The following PPIL2 variants were observed in gnomAD, a reference collection of about 807,000 sequenced individuals.
The protein encoded by PPIL2 is RING-type E3 ubiquitin-protein ligase PPIL2.
PPIL2 carries 50 observed loss-of-function variants against 75.2 expected under a neutral mutation model. That is an observed-to-expected ratio of 0.66 (90% CI 0.53 to 0.84). The LOEUF (loss-of-function observed/expected upper bound fraction) is 0.84. Among genes scored for constraint, PPIL2 ranks in the 40% least tolerant of loss-of-function variants. The pLI, the probability that PPIL2 is intolerant of heterozygous loss-of-function variation, is 0.00. For synonymous variants in PPIL2, 245 were observed against 258.8 expected, an observed-to-expected ratio of 0.95 and a Z score of 0.51; for missense variants, 590 against 685.0, an observed-to-expected ratio of 0.86 and a Z score of 1.55.
intron 1 of PPIL2, among the ~76,000 whole-genome samples, chr22:21,668,714 ATTTTT>A (rs145174874): frequency 7.6e-6 from 1 of 130,818 alleles, no homozygotes; most frequent in Non-Finnish European, 1.6e-5. Context: ...ATAAGATACC[ATTTTT>A]TTTTTTTTTT....
chr22:21,693,760 C>T (rs1029664037), intron 15 of PPIL2, 56 bp from the exon 16 acceptor site: 2 of 1,503,758 alleles, frequency 1.3e-6, no homozygotes, highest in Admixed American at 3.3e-5. Flanking sequence ...TGCTCTTAGG[C>T]AGGCCAGGTG....
At chr22:21,683,080 G>A in intron 8 of PPIL2, 102 bp from the exon 9 acceptor site, 2 of 982,572 alleles carry the variant, frequency 2.0e-6, no homozygotes, top group African/African-American at 1.6e-5. Flanking sequence ...TGTAGCCCTG[G>A]CCTCTTCCAC....
At chr22:21,686,155 C>T (rs752019645) in intron 10 of PPIL2, among the ~76,000 whole-genome samples, 6 of 152,160 alleles carry the variant, frequency 3.9e-5, no homozygotes, top group Non-Finnish European at 8.8e-5. Context: ...AGAGCAAGAC[C>T]TTGTCTCATA....
chr22:21,684,289 G>GA (rs576536643), intron 9 of PPIL2, among the ~76,000 whole-genome samples: 1 of 116,858 alleles, frequency 8.6e-6, no homozygotes, highest in Admixed American at 8.9e-5. Flanking sequence ...TTACAAGATT[G>GA]TAACACAAAA....
chr22:21,670,994 C>A lies in PPIL2; in HGVS notation c.129-3C>A. ...CTCACCAGGAATGACTGTCCTTTTT[C>A]AGTCTCTCTCTGCAGCCCTTTGTCT... On this transcript the variant is annotated splice_region_variant and splice_polypyrimidine_tract_variant and intron_variant, in intron 3 of 19. Transcript: ENST00000398831. 3.1e-6 allele frequency: 5 copies of A among 1,611,300 alleles called. No homozygotes were observed. Among genetic ancestry groups the A allele is most frequent in the Non-Finnish European group, 4.2e-6 (5 of 1,177,366 alleles).
chr22:21,666,316 C>CG (rs2066375017), intron 1 of PPIL2, among the ~76,000 whole-genome samples, 185 bp downstream of exon 1: 1 of 152,142 alleles, frequency 6.6e-6, no homozygotes, highest in East Asian at 1.9e-4. Context: ...CGCGCTCTCC[C>CG]GGGGCCGCGG....
At chr22:21,682,660 C>T (rs999411740) in intron 8 of PPIL2, 134 bp downstream of exon 8, 1 of 549,754 alleles carries the variant, frequency 1.8e-6, no homozygotes, top group African/African-American at 2.1e-5. Flanking sequence ...TGAATAGCCA[C>T]TCTGCAGGCC....
In PPIL2 at chr22:21,686,573, C is replaced by T. The variant is rs1338606597; in HGVS notation, c.790+15C>T. On this transcript the variant is annotated intron_variant, in intron 11 of 19. Transcript: ENST00000398831. ...ACATGAAGCAGGTAGCCACCTTGGC[C>T]TCTGTAGCCACCTGCCATGTGACCC... 1 of 1,612,616 alleles carries T rather than the reference C, an allele frequency of 6.2e-7. No individual in the cohort carries two copies. Among genetic ancestry groups the T allele is most frequent in the Non-Finnish European group, 8.5e-7 (1 of 1,178,716 alleles).
chr22:21,669,002 T>C (rs1330665825), intron 1 of PPIL2, among the ~76,000 whole-genome samples: 1 of 137,812 alleles, frequency 7.3e-6, no homozygotes, highest in Non-Finnish European at 1.5e-5. Context: ...TGAGCCACCG[T>C]GCCTGGCCCT....
At chr22:21,666,214 C>G (rs981784151) in intron 1 of PPIL2, 83 bp downstream of exon 1, 48 of 1,442,818 alleles carry the variant, frequency 3.3e-5, no homozygotes, top group Admixed American at 4.1e-5. Context: ...CTCGCCTTCC[C>G]TCTCAGCTAC....
chr22:21,672,151 A>G (rs991081111), intron 4 of PPIL2, among the ~76,000 whole-genome samples, 179 bp from the exon 5 acceptor site: 7 of 152,146 alleles, frequency 4.6e-5, no homozygotes, highest in African/African-American at 1.4e-4. Flanking sequence ...TTTGAAACCT[A>G]TGTATCCACA....
Position 21,697,016 on chromosome 22 carries a change from G to GCAGCCTGT in PPIL2, c.*1529_*1536dup. ...CTTCTCTTCTCCAGCCCATCCCTCT[G>GCAGCCTGT]CAGCCTGTCATCCCTGTCTGTGACC... is the stretch of plus-strand genomic sequence containing the variant. On this transcript the variant is annotated 3_prime_UTR_variant, in exon 20 of 20. Coordinates refer to ENST00000398831, the MANE Select transcript of PPIL2 (RefSeq NM_014337.4). 1 of 1,540,522 alleles carries GCAGCCTGT rather than the reference G, an allele frequency of 6.5e-7. No homozygotes were observed. Among genetic ancestry groups the GCAGCCTGT allele is most frequent in the Non-Finnish European group, 8.8e-7 (1 of 1,140,336 alleles).
At position 21,697,207 on chromosome 22, in the gene PPIL2, T is replaced by A; in HGVS notation, c.*1717T>A. The A allele has an allele frequency of 1.7e-6, 1 of 575,592 alleles. No individual in the cohort carries two copies. The highest frequency in any genetic ancestry group is 3.1e-6 in the Non-Finnish European group (1 of 323,262). 35.7% of individuals were successfully genotyped at this position (575,592 alleles called of 1,614,324 possible). A position where few individuals can be genotyped will look rare whatever the true frequency, so the allele number is the denominator to read the frequency against. On this transcript the variant is annotated 3_prime_UTR_variant, in exon 20 of 20. Transcript: ENST00000398831. ...GAGGGGCACAGTAGGACACAGTGAC[T>A]GCCCAGGTGTCCACACACCTGTAGG...
downstream of PPIL2, chr22:21,698,785 C>T (rs2068031737): frequency 6.6e-6 from 1 of 152,420 alleles, no homozygotes; most frequent in Admixed American, 6.5e-5. Flanking sequence ...AGCCCTGCAG[C>T]GTGCAGTGAC....
intron 10 of PPIL2, chr22:21,685,813 G>C (rs2148548449): frequency 2.8e-6 from 1 of 362,410 alleles, no homozygotes; most frequent in South Asian, 2.1e-5. Context: ...ACATTTATTG[G>C]GGCTTTTCCC....
intron 10 of PPIL2, 123 bp from the exon 11 acceptor site, chr22:21,686,360 A>G (rs1160848171): frequency 3.4e-6 from 3 of 891,716 alleles, no homozygotes; most frequent in African/African-American, 3.3e-5. Context: ...CTCCTGGAGG[A>G]GAGGCACCAA....
chr22:21,680,931 C>T (rs879427259), intron 6 of PPIL2, among the ~76,000 whole-genome samples: 39 of 149,470 alleles, frequency 2.6e-4, no homozygotes, highest in Non-Finnish European at 4.9e-4. Flanking sequence ...AGGGGGCTGG[C>T]GGAGGATGTG....
intron 5 of PPIL2, among the ~76,000 whole-genome samples, chr22:21,674,480 T>C (rs1226171419): frequency 2.0e-5 from 3 of 152,228 alleles, no homozygotes; most frequent in Admixed American, 6.5e-5. Flanking sequence ...TTTTAATGTT[T>C]TGTTTTTCTT....
At chr22:21,689,918 A>T (rs977354233) in intron 15 of PPIL2, among the ~76,000 whole-genome samples, 1 of 152,082 alleles carries the variant, frequency 6.6e-6, no homozygotes, top group Non-Finnish European at 1.5e-5. Context: ...TCTCCGTGGC[A>T]TTCTGGGGTG....
Sources: allele counts gnomAD v4.1 joint callset (sites outside exome capture counted in the v4.1 genomes callset), GRCh38; gene constraint gnomAD v4.1.1; transcripts MANE v1.5; gene names NCBI Gene and HGNC (gene_info 2026-07-23, HGNC 2026-07-21).